Variants in GPC5 observed in about 807,000 individuals in gnomAD.
GPC5 encodes the protein glypican 5.
Under a neutral mutation model 53.9 loss-of-function variants are expected in GPC5, and 47 were observed. The observed-to-expected ratio is 0.87, with a 90% CI of 0.69 to 1.11. The LOEUF (loss-of-function observed/expected upper bound fraction) is 1.11. Ranked by LOEUF, GPC5 falls within the 50% of genes most tolerant of loss-of-function variation. The pLI is 0.00. For missense variants in GPC5, 748 were observed against 713.1 expected, an observed-to-expected ratio of 1.05 and a Z score of -0.56; for synonymous variants, 286 against 263.3, an observed-to-expected ratio of 1.09 and a Z score of -0.84.
chr13:92,089,675 A>G (rs2041363961), intron 6 of GPC5, among the ~76,000 whole-genome samples: 1 of 152,160 alleles, frequency 6.6e-6, no homozygotes, highest in African/African-American at 2.4e-5. Flanking sequence ...TTTGACGTTC[A>G]ATTTAATCAT....
chr13:91,740,992 C>A (rs2036922078), intron 4 of GPC5, among the ~76,000 whole-genome samples: 1 of 152,188 alleles, frequency 6.6e-6, no homozygotes, highest in African/African-American at 2.4e-5. Context: ...AGTGCCCCAT[C>A]TGTTCTCCAG....
chr13:92,343,248 A>G, intron 7 of GPC5, among the ~76,000 whole-genome samples: 1 of 152,184 alleles, frequency 6.6e-6, no homozygotes, highest in African/African-American at 2.4e-5. Context: ...AGTTAGATCA[A>G]TATGTCTGTG....
At chr13:92,377,077 G>A (rs1023713012) in intron 7 of GPC5, among the ~76,000 whole-genome samples, 4 of 151,974 alleles carry the variant, frequency 2.6e-5, no homozygotes, top group African/African-American at 9.7e-5. Flanking sequence ...GTGGTAAATT[G>A]TTCTTTATCT....
intron 7 of GPC5, among the ~76,000 whole-genome samples, chr13:92,693,758 T>TA (rs140167922): frequency 4.6e-5 from 7 of 151,912 alleles, no homozygotes; most frequent in African/African-American, 1.7e-4. Flanking sequence ...AGGTAGAAAA[T>TA]AAAAACCCAT....
chr13:92,554,104 A>G (rs1372139070), intron 7 of GPC5, among the ~76,000 whole-genome samples: 3 of 152,006 alleles, frequency 2.0e-5, no homozygotes, highest in Non-Finnish European at 4.4e-5. Flanking sequence ...TCATGGTTCA[A>G]TAAGGGGCAG....
intron 7 of GPC5, among the ~76,000 whole-genome samples, chr13:92,588,441 C>T (rs1370370994): frequency 1.3e-5 from 2 of 152,238 alleles, no homozygotes; most frequent in Admixed American, 1.3e-4. Flanking sequence ...GTCATCTACA[C>T]TGCTACCCAC....
chr13:91,528,678 AT>A (rs1886197264), intron 2 of GPC5, among the ~76,000 whole-genome samples: 1 of 152,168 alleles, frequency 6.6e-6, no homozygotes, highest in South Asian at 2.1e-4. Context: ...GTATTAGTTC[AT>A]TCTCACACTG....
At chr13:91,402,161 AT>A (rs1414488028) in intron 1 of GPC5, among the ~76,000 whole-genome samples, 1 of 152,228 alleles carries the variant, frequency 6.6e-6, no homozygotes, top group Admixed American at 6.5e-5. Context: ...TTCATAAAAA[AT>A]AATACATTTA....
chr13:92,741,827 A>C (rs1238228847), intron 7 of GPC5, among the ~76,000 whole-genome samples: 1 of 152,054 alleles, frequency 6.6e-6, no homozygotes, highest in African/African-American at 2.4e-5. Context: ...ATGAGTAAGA[A>C]CACGCGGTGT....
chr13:92,538,105 G>A (rs927524841), intron 7 of GPC5, among the ~76,000 whole-genome samples: 2 of 152,068 alleles, frequency 1.3e-5, no homozygotes, highest in African/African-American at 4.8e-5. Flanking sequence ...CCTGTCTGAT[G>A]CTAGTTTCAT....
chr13:92,726,262 A>T (rs1197722522), intron 7 of GPC5, among the ~76,000 whole-genome samples: 1 of 151,630 alleles, frequency 6.6e-6, no homozygotes, highest in East Asian at 1.9e-4. Flanking sequence ...AACACCCTTG[A>T]TCTACATAAT....
rs67507888 is a variant in GPC5 at position 91,650,750 on chromosome 13, G to GTTTTTTTTTTTTTTTTTTTTTTTTTTT, written c.326-42415_326-42414insTTTTTTTTTTTTTTTTTTTTTTTTTTT. The stretch of plus-strand genomic sequence containing the variant: ...CATCTGTGAAACAAAATTCCCATAA[G>GTTTTTTTTTTTTTTTTTTTTTTTTTTT]TTTTTTTTTTTTTTTTTTTTTTAGC... On this transcript the variant is annotated intron_variant, in intron 2 of 7. Transcript: ENST00000377067. 3.2e-4 allele frequency among the ~76,000 whole-genome samples: 32 copies of GTTTTTTTTTTTTTTTTTTTTTTTTTTT among 99,600 alleles called. 2 individuals carry two copies. The highest frequency in any genetic ancestry group is 7.7e-4 in the South Asian group (2 of 2,596). 65.3% of individuals were successfully genotyped at this position (99,600 alleles called of 152,430 possible). A position where few individuals can be genotyped will look rare whatever the true frequency, so the allele number is the denominator to read the frequency against.
chr13:92,485,076 T>C (rs1416767659), intron 7 of GPC5, among the ~76,000 whole-genome samples: 1 of 152,084 alleles, frequency 6.6e-6, no homozygotes, highest in Non-Finnish European at 1.5e-5. Context: ...CAAGGGGATG[T>C]TGGCAAGTGA....
chr13:92,268,186 G>C (rs2042815416), intron 7 of GPC5, among the ~76,000 whole-genome samples: 1 of 151,570 alleles, frequency 6.6e-6, no homozygotes, highest in African/African-American at 2.4e-5. Flanking sequence ...ATTGTATATA[G>C]CTCACTGTAT....
At chr13:91,707,869 G>A (rs2036141341) in intron 3 of GPC5, among the ~76,000 whole-genome samples, 1 of 151,982 alleles carries the variant, frequency 6.6e-6, no homozygotes, top group African/African-American at 2.4e-5. Flanking sequence ...GATCATCACA[G>A]CATATTCCTA....
chr13:91,423,489 A>G (rs539675376), intron 1 of GPC5, among the ~76,000 whole-genome samples: 15 of 152,242 alleles, frequency 9.9e-5, no homozygotes, highest in Non-Finnish European at 1.9e-4. Context: ...AGGGAAATAT[A>G]CATAAGACAG....
chr13:92,439,616 G>T (rs532252439), intron 7 of GPC5, among the ~76,000 whole-genome samples: 20 of 152,072 alleles, frequency 1.3e-4, no homozygotes, highest in Non-Finnish European at 2.6e-4. Flanking sequence ...AAGTAGTCCT[G>T]TATCACTGGA....
chr13:92,159,985 C>G (rs1044799156), intron 7 of GPC5, among the ~76,000 whole-genome samples: 2 of 151,974 alleles, frequency 1.3e-5, no homozygotes, highest in Non-Finnish European at 2.9e-5. Context: ...TCACTGCAAC[C>G]TCTGCCTCCT....
intron 2 of GPC5, among the ~76,000 whole-genome samples, chr13:91,569,669 T>C (rs1193288286): frequency 1.3e-5 from 2 of 152,130 alleles, no homozygotes; most frequent in Non-Finnish European, 2.9e-5. Context: ...TTAATCCTCA[T>C]TTTGGTAGTA....
Sources: allele counts gnomAD v4.1 joint callset (sites outside exome capture counted in the v4.1 genomes callset), GRCh38; gene constraint gnomAD v4.1.1; transcripts MANE v1.5; gene names NCBI Gene and HGNC (gene_info 2026-07-23, HGNC 2026-07-21).